CNTN5: variants seen among roughly 807,000 people sequenced by gnomAD.
The protein encoded by CNTN5 is contactin 5.
A neutral mutation model predicts 129.1 loss-of-function variants in CNTN5; 77 were observed. The ratio of observed to expected loss-of-function variants is 0.60; its 90% CI spans 0.50 to 0.72. The LOEUF (loss-of-function observed/expected upper bound fraction) is 0.72, where lower values mean the gene tolerates loss of function less well. Ranked by LOEUF, CNTN5 falls within the 30% of genes least tolerant of loss-of-function variation. The pLI is 0.00. For missense variants in CNTN5, 1,478 were observed against 1,328.8 expected (o/e 1.11, Z -1.75); for synonymous variants, 509 against 465.6 (o/e 1.09, Z -1.20).
chr11:99,571,811 G>A (rs973606496), intron 3 of CNTN5, among the ~76,000 whole-genome samples: 6 of 152,042 alleles, frequency 3.9e-5, no homozygotes, highest in African/African-American at 1.4e-4. Context: ...GTGAATTTCA[G>A]TTATAGATTT....
At chr11:99,517,965 A>G (rs1947123768) in intron 2 of CNTN5, among the ~76,000 whole-genome samples, 1 of 152,228 alleles carries the variant, frequency 6.6e-6, no homozygotes, top group Middle Eastern at 3.4e-3. Flanking sequence ...TAAAGGAATG[A>G]TATTGGAGAA....
Position 100,270,965 on chromosome 11 carries a change from T to A in CNTN5, c.2165-127T>A, listed in dbSNP as rs1053019707. 14 of 704,892 alleles carry A rather than the reference T, an allele frequency of 2.0e-5. No individual in the cohort carries two copies. The East Asian group carries it at 3.7e-4, about 19-fold the overall frequency. The allele number at this position is 704,892 out of a possible 1,614,324, so 43.7% of individuals were successfully genotyped here. On this transcript the variant is annotated intron_variant, in intron 17 of 24. Transcript: ENST00000524871. ...ACTAATGACACTGGAGGTGACACCA[T>A]GACCACGTGTCGTGAGGAAATATGC...
chr11:99,072,757 C>A (rs116629165), intron 1 of CNTN5, among the ~76,000 whole-genome samples: 1 of 152,038 alleles, frequency 6.6e-6, no homozygotes, highest in South Asian at 2.1e-4. Flanking sequence ...CAGAAAAGTG[C>A]GCAAATCTTA....
At chr11:99,573,393 A>G (rs1232733288) in intron 3 of CNTN5, among the ~76,000 whole-genome samples, 3 of 151,744 alleles carry the variant, frequency 2.0e-5, no homozygotes, top group Non-Finnish European at 1.5e-5. Context: ...ACACAGTGAA[A>G]CCCCGTCTCT....
chr11:99,347,604 T>C (rs1396187471), intron 2 of CNTN5, among the ~76,000 whole-genome samples: 1 of 152,218 alleles, frequency 6.6e-6, no homozygotes, highest in African/African-American at 2.4e-5. Flanking sequence ...TTTCAATTTA[T>C]TTTGCACTTT....
rs556298204 is a variant in CNTN5, at chr11:100,263,088, G to A, written c.2164+7170G>A. ...TACAACTTCCCATCTCTCTCCAAAT[G>A]TGGCTGTCCAGCAGGGATATGTAAA... On this transcript the variant is annotated intron_variant, in intron 17 of 24. Coordinates refer to ENST00000524871, the MANE Select transcript of CNTN5 (RefSeq NM_014361.4). 3.4e-4 allele frequency among the ~76,000 whole-genome samples: 52 copies of A among 152,056 alleles called. 1 individual carries two copies. Among genetic ancestry groups the A allele is most frequent in the East Asian group, 2.7e-3 (14 of 5,172 alleles).
chr11:99,975,310 G>A (rs2137325832), intron 8 of CNTN5, among the ~76,000 whole-genome samples: 1 of 152,254 alleles, frequency 6.6e-6, no homozygotes, highest in South Asian at 2.1e-4. Context: ...TGACTGCCTG[G>A]CTCGTTTTCG....
chr11:99,977,691 C>A (rs1456536981), intron 8 of CNTN5, among the ~76,000 whole-genome samples: 1 of 152,124 alleles, frequency 6.6e-6, no homozygotes, highest in Non-Finnish European at 1.5e-5. Flanking sequence ...TGGTGCTAAA[C>A]CATGAGAAAC....
At chr11:100,118,746 T>C (rs537422437) in intron 13 of CNTN5, among the ~76,000 whole-genome samples, 4 of 152,044 alleles carry the variant, frequency 2.6e-5, no homozygotes, top group Admixed American at 2.6e-4. Flanking sequence ...TAAGCCATTT[T>C]AATGCATAGA....
chr11:100,009,841 A>G lies in CNTN5; in HGVS notation c.980+7705A>G, dbSNP rs181862848. ...GCTGGCTGCCCATCCACACATTCTC[A>G]GGCTGAATATTAAGAGTAGAAGGAT... On this transcript the variant is annotated intron_variant, in intron 9 of 24. Transcript: ENST00000524871. Among the ~76,000 whole-genome samples, 12 of 152,284 alleles carry G rather than the reference A, an allele frequency of 7.9e-5. No individual in the cohort carries two copies. In the East Asian group the frequency reaches 2.3e-3, roughly 29 times the overall value.
At chr11:99,740,699 G>C (rs555190062) in intron 3 of CNTN5, among the ~76,000 whole-genome samples, 110 of 152,262 alleles carry the variant, frequency 7.2e-4, no homozygotes, top group Admixed American at 3.1e-3. Flanking sequence ...CACCATCAGA[G>C]GTTGCAGCAA....
intron 3 of CNTN5, among the ~76,000 whole-genome samples, chr11:99,773,924 A>G (rs1945031509): frequency 6.6e-6 from 1 of 152,028 alleles, no homozygotes; most frequent in South Asian, 2.1e-4. Flanking sequence ...CCTAGCAACT[A>G]TTGCAGCTTT....
At chr11:99,252,274 C>A (rs1343143470) in intron 1 of CNTN5, among the ~76,000 whole-genome samples, 1 of 151,788 alleles carries the variant, frequency 6.6e-6, no homozygotes, top group Non-Finnish European at 1.5e-5. Context: ...TTTGTCGAGG[C>A]CAGGTATCCT....
intron 13 of CNTN5, among the ~76,000 whole-genome samples, chr11:100,185,115 C>T (rs1348475195): frequency 6.6e-6 from 1 of 152,110 alleles, no homozygotes; most frequent in African/African-American, 2.4e-5. Context: ...GTCAATTAAA[C>T]CTCTTTACTT....
chr11:99,871,333 A>G (rs1303034146), intron 6 of CNTN5, among the ~76,000 whole-genome samples: 1 of 152,106 alleles, frequency 6.6e-6, no homozygotes, highest in Non-Finnish European at 1.5e-5. Context: ...TGATTAAAAT[A>G]CAGACCCTGG....
At chr11:99,589,048 T>C (rs1289793302) in intron 3 of CNTN5, among the ~76,000 whole-genome samples, 2 of 152,182 alleles carry the variant, frequency 1.3e-5, no homozygotes, top group Non-Finnish European at 2.9e-5. Context: ...GGATTGTAGA[T>C]AGAAAATGGC....
At chr11:99,789,270 A>G (rs914620637) in intron 3 of CNTN5, among the ~76,000 whole-genome samples, 1 of 151,932 alleles carries the variant, frequency 6.6e-6, no homozygotes, top group Non-Finnish European at 1.5e-5. Context: ...TATTTTCTCA[A>G]TATTCAGAAC....
At chr11:99,585,504 T>A (rs1177859510) in intron 3 of CNTN5, among the ~76,000 whole-genome samples, 1 of 152,152 alleles carries the variant, frequency 6.6e-6, no homozygotes, top group African/African-American at 2.4e-5. Flanking sequence ...TAAAAAAATA[T>A]ATATATTTAG....
At position 100,026,709 on chromosome 11, in the gene CNTN5, C is replaced by T. The variant is rs148992444; in HGVS notation, c.980+24573C>T. ...ACTGAGGTCTCTTTAAGGTTTTTGG[C>T]CCATTTTTTTAGTCAGATTGTTTTC... On this transcript the variant is annotated intron_variant, in intron 9 of 24. Coordinates refer to ENST00000524871, the MANE Select transcript of CNTN5 (RefSeq NM_014361.4). Among the ~76,000 whole-genome samples the T allele has an allele frequency of 2.3e-3, 354 of 152,100 alleles. 2 individuals are homozygous for T. Among genetic ancestry groups the T allele is most frequent in the African/African-American group, 8.2e-3 (341 of 41,490 alleles).
Sources: allele counts gnomAD v4.1 joint callset (sites outside exome capture counted in the v4.1 genomes callset), GRCh38; gene constraint gnomAD v4.1.1; transcripts MANE v1.5; gene names NCBI Gene and HGNC (gene_info 2026-07-23, HGNC 2026-07-21).